The following SAMD4A variants were observed in gnomAD, a reference collection of about 807,000 sequenced individuals.
The protein encoded by SAMD4A is protein Smaug homolog 1.
Under a neutral mutation model 81.3 loss-of-function variants are expected in SAMD4A, and 33 were observed. The ratio of observed to expected loss-of-function variants is 0.41; its 90% CI spans 0.31 to 0.54. The LOEUF (loss-of-function observed/expected upper bound fraction) is 0.54, where lower values mean the gene tolerates loss of function less well. Ranked by LOEUF, SAMD4A falls within the 20% of genes least tolerant of loss-of-function variation. The probability of loss-of-function intolerance (pLI) is 0.37; values close to 1 mark genes in which losing one functional copy is unlikely to be tolerated. For synonymous variants in SAMD4A, 389 were observed against 382.1 expected (o/e 1.02, Z -0.21); for missense variants, 854 against 951.1 (o/e 0.90, Z 1.34).
chr14:54,775,204 G>T, intron 10 of SAMD4A, 69 bp downstream of exon 10: 1 of 1,584,298 alleles, frequency 6.3e-7, no homozygotes, highest in Admixed American at 1.7e-5. Context: ...TGTCCCCCCA[G>T]GTGACCCCAG....
intron 8 of SAMD4A, among the ~76,000 whole-genome samples, chr14:54,765,571 G>A (rs1162748277): frequency 6.6e-6 from 1 of 151,832 alleles, no homozygotes; most frequent in Non-Finnish European, 1.5e-5. Context: ...AGGCTACAGT[G>A]AGCTATGATC....
Position 54,615,738 on chromosome 14 carries a change from C to T in SAMD4A, c.196+47626C>T, listed in dbSNP as rs138313144. On this transcript the variant is annotated intron_variant, in intron 2 of 12. Transcript: ENST00000554335. The stretch of plus-strand genomic sequence containing the variant: ...CAATGTTCTCTATTTTAATGTTTAC[C>T]ATTTTTATTTAGTGACTTTCTTGAA... Among the ~76,000 whole-genome samples, 3 of 151,980 alleles carry T rather than the reference C, an allele frequency of 2.0e-5. No homozygotes were observed. The East Asian group carries it at 5.8e-4, about 29-fold the overall frequency.
intron 6 of SAMD4A, among the ~76,000 whole-genome samples, chr14:54,758,287 A>G (rs1055288413): frequency 6.6e-6 from 1 of 152,170 alleles, no homozygotes; most frequent in Non-Finnish European, 1.5e-5. Context: ...GTTCCTGCCA[A>G]TGACAGGGTG....
intron 4 of SAMD4A, among the ~76,000 whole-genome samples, chr14:54,746,746 C>T (rs1477868477): frequency 6.6e-6 from 1 of 152,246 alleles, no homozygotes; most frequent in Non-Finnish European, 1.5e-5. Context: ...CTGCTACCTT[C>T]TCTTTTGTGA....
At chr14:54,582,040 G>A (rs1403206848) in intron 2 of SAMD4A, among the ~76,000 whole-genome samples, 2 of 152,144 alleles carry the variant, frequency 1.3e-5, no homozygotes, top group African/African-American at 4.8e-5. Context: ...AGCTGTGTTA[G>A]CACATTTTGC....
chr14:54,567,472 C>G (rs916724212), intron 1 of SAMD4A, 24 bp from the exon 2 acceptor site: 2 of 167,708 alleles, frequency 1.2e-5, no homozygotes, highest in South Asian at 2.7e-4. Flanking sequence ...CGAGGTCTCA[C>G]TGCAGCTCTT....
intron 2 of SAMD4A, among the ~76,000 whole-genome samples, chr14:54,600,836 T>A (rs1269567452): frequency 6.6e-6 from 1 of 152,178 alleles, no homozygotes; most frequent in Non-Finnish European, 1.5e-5. Flanking sequence ...GCAGGGCGGG[T>A]TAGTCATGAA....
intron 2 of SAMD4A, among the ~76,000 whole-genome samples, chr14:54,612,655 A>T (rs1594733909): frequency 6.6e-6 from 1 of 152,304 alleles, no homozygotes; most frequent in East Asian, 1.9e-4. Context: ...TTTGTACAAG[A>T]AGACTGAAAA....
intron 2 of SAMD4A, among the ~76,000 whole-genome samples, chr14:54,627,326 A>G (rs1471765568): frequency 6.6e-6 from 1 of 152,156 alleles, no homozygotes; most frequent in Admixed American, 6.5e-5. Flanking sequence ...AAGGTTAACC[A>G]GAGTAGTTTT....
chr14:54,697,658 C>T (rs1337076454), intron 2 of SAMD4A, among the ~76,000 whole-genome samples: 2 of 152,162 alleles, frequency 1.3e-5, no homozygotes, highest in Non-Finnish European at 2.9e-5. Context: ...GCTAAAACTT[C>T]CTTTTACCTA....
chr14:54,626,059 T>TGCGCGCGCGCGCGC (rs113491666), intron 2 of SAMD4A, among the ~76,000 whole-genome samples: 1 of 102,096 alleles, frequency 9.8e-6, no homozygotes, highest in Non-Finnish European at 2.0e-5. Flanking sequence ...TGTGTGTGTG[T>TGCGCGCGCGCGCGC]GCGCGCGCGC....
chr14:54,708,112 C>G (rs773402413), intron 3 of SAMD4A, among the ~76,000 whole-genome samples: 13 of 152,140 alleles, frequency 8.5e-5, no homozygotes, highest in Non-Finnish European at 1.5e-5. Flanking sequence ...GAGTCTGTTG[C>G]AGTAATCAGG....
In SAMD4A at chr14:54,760,257, C is replaced by A. The variant is rs149535594; in HGVS notation, c.1273C>A (p.Pro425Thr). The change falls in exon 7 of 13, where the codon CCC (proline) becomes ACC (threonine). Residue 425 changes from proline to threonine, a missense_variant. Pro to Thr is a conservative substitution (Grantham distance 38). Transcript: ENST00000554335. ...IKAYSSPSTTPEARRREPQAP... is the reference protein window; with the variant it reads ...IKAYSSPSTTTEARRREPQAP... ...GGCCTACAGCTCCCCGAGCACCACC[C>A]CCGAGGCTCGCCGCCGGGAGCCCCA... The A allele has an allele frequency of 4.6e-4, 746 of 1,613,032 alleles. 6 individuals are homozygous for A. In the African/African-American group the frequency reaches 9.2e-3, roughly 20 times the overall value.
chr14:54,764,303 T>G (rs2038480714), intron 7 of SAMD4A, 152 bp from the exon 8 acceptor site: 2 of 625,960 alleles, frequency 3.2e-6, no homozygotes, highest in Non-Finnish European at 5.7e-6. Context: ...TTCTGTGGAA[T>G]GAGGAGCCTC....
At chr14:54,670,485 G>C (rs1425428680) in intron 2 of SAMD4A, among the ~76,000 whole-genome samples, 1 of 152,008 alleles carries the variant, frequency 6.6e-6, no homozygotes, top group African/African-American at 2.4e-5. Context: ...GACGAAGCCT[G>C]GGGGAGGCAG....
intron 2 of SAMD4A, among the ~76,000 whole-genome samples, chr14:54,654,441 G>C (rs2035475251): frequency 6.6e-6 from 1 of 152,094 alleles, no homozygotes; most frequent in Non-Finnish European, 1.5e-5. Context: ...GAAAAACCTA[G>C]GATAGCAACC....
intron 2 of SAMD4A, among the ~76,000 whole-genome samples, chr14:54,626,129 T>G (rs191643867): frequency 6.6e-6 from 1 of 152,092 alleles, no homozygotes; most frequent in East Asian, 1.9e-4. Flanking sequence ...TGTTTTTTTT[T>G]AGACTCTAGC....
At chr14:54,597,256 G>GTCTTTT (rs1161148970) in intron 2 of SAMD4A, among the ~76,000 whole-genome samples, 2 of 151,678 alleles carry the variant, frequency 1.3e-5, no homozygotes, top group Non-Finnish European at 2.9e-5. Context: ...CTCTGTTGTG[G>GTCTTTT]TCTTTTTCTT....
intron 2 of SAMD4A, among the ~76,000 whole-genome samples, chr14:54,657,254 G>C (rs1340970493): frequency 1.3e-5 from 2 of 152,108 alleles, no homozygotes; most frequent in East Asian, 3.9e-4. Context: ...ACCTATCTGT[G>C]ACATAATGAG....
Sources: gnomAD v4.1 joint callset for allele counts (sites outside exome capture counted in the v4.1 genomes callset) on GRCh38, gnomAD v4.1.1 for gene constraint, MANE v1.5 for transcripts, NCBI Gene and HGNC (gene_info 2026-07-23, HGNC 2026-07-21) for gene names.